Variants in ZFYVE26 observed in about 807,000 individuals in gnomAD.
ZFYVE26 encodes the protein zinc finger FYVE-type containing 26.
In ZFYVE26, 181 loss-of-function variants were observed where a neutral mutation model predicts 276.5. The observed-to-expected ratio is 0.65, with a 90% CI of 0.58 to 0.74. The LOEUF is 0.74. Among genes scored for constraint, ZFYVE26 ranks in the 30% least tolerant of loss-of-function variants. The pLI, the probability that ZFYVE26 is intolerant of heterozygous loss-of-function variation, is 0.00. For synonymous variants in ZFYVE26, 1,129 were observed against 1,203.1 expected, an observed-to-expected ratio of 0.94 and a Z score of 1.27; for missense variants, 2,821 against 3,097.9, an observed-to-expected ratio of 0.91 and a Z score of 2.12.
intron 37 of ZFYVE26, among the ~76,000 whole-genome samples, chr14:67,754,649 G>C (rs2038731637): frequency 6.6e-6 from 1 of 152,236 alleles, no homozygotes; most frequent in Non-Finnish European, 1.5e-5. Flanking sequence ...GTTCTATGTA[G>C]AGGGACTGGC....
rs751848124 is a variant in ZFYVE26 at position 67,769,696 on chromosome 14, C to T, written c.5519G>A (p.Arg1840Gln). 7.4e-6 allele frequency: 12 copies of T among 1,613,982 alleles called. No homozygotes were observed. The highest frequency in any genetic ancestry group is 1.0e-5 in the Non-Finnish European group (12 of 1,180,008). ...AGTGGAGCAGGAGCTGCACACTAGC[C>T]GGCCACAGCGGCGACAATGATGACG... ...NRRHHCRRCG[R>Q]LVCSSCSTKK... The change falls in exon 29 of 42, where the codon CGG (arginine) becomes CAG (glutamine). Residue 1840 changes from arginine (R) to glutamine (Q), a missense_variant. Physicochemically the swap from Arg to Gln is conservative, Grantham distance 43. Coordinates refer to ENST00000347230, the MANE Select transcript of ZFYVE26 (RefSeq NM_015346.4).
At chr14:67,765,452 T>C (rs1477899046) in intron 32 of ZFYVE26, among the ~76,000 whole-genome samples, 1 of 152,202 alleles carries the variant, frequency 6.6e-6, no homozygotes, top group African/African-American at 2.4e-5. Flanking sequence ...TGGGATTTGC[T>C]GTGCTCCATG....
At position 67,748,577 on chromosome 14, in the gene ZFYVE26, T is replaced by C; in HGVS notation, c.7479A>G (p.Glu2493=). 1 of 1,614,198 alleles carries C rather than the reference T, an allele frequency of 6.2e-7. No individual in the cohort carries two copies. Among genetic ancestry groups the C allele is most frequent in the African/African-American group, 1.3e-5 (1 of 75,066 alleles). The change falls in exon 42 of 42, where the codon GAA becomes GAG. Residue 2493 remains glutamate (E), a synonymous_variant. Transcript: ENST00000347230. The part of the protein sequence containing the change: ...RSAYLIAVKQ[E]HSRATALVQQ... ...GGACAAGGGCTGTGGCCCGTGAGTGTTCTTGCTTCACAGCAATCAAGTAGG... is the reference window on the plus strand; with the variant it reads ...GGACAAGGGCTGTGGCCCGTGAGTGCTCTTGCTTCACAGCAATCAAGTAGG...
intron 23 of ZFYVE26, 67 bp downstream of exon 23, chr14:67,780,174 A>G: frequency 2.2e-6 from 3 of 1,377,654 alleles, no homozygotes; most frequent in Non-Finnish European, 3.1e-6. Flanking sequence ...AGGGGCTTAT[A>G]CAGCCAGCTA....
intron 30 of ZFYVE26, among the ~76,000 whole-genome samples, 182 bp downstream of exon 30, chr14:67,768,335 T>C (rs2039113761): frequency 6.6e-6 from 1 of 152,238 alleles, no homozygotes; most frequent in Non-Finnish European, 1.5e-5. Context: ...GCCAGTGTAA[T>C]AGGTTAATAT....
chr14:67,779,934 C>T (rs972593600), intron 23 of ZFYVE26, among the ~76,000 whole-genome samples: 2 of 151,984 alleles, frequency 1.3e-5, no homozygotes, highest in African/African-American at 4.8e-5. Flanking sequence ...TGCAGTGGTG[C>T]GATCTCGGCT....
At chr14:67,772,411 C>T (rs1172154820) in intron 27 of ZFYVE26, among the ~76,000 whole-genome samples, 1 of 152,236 alleles carries the variant, frequency 6.6e-6, no homozygotes, top group African/African-American at 2.4e-5. Context: ...ACACCACCTG[C>T]TATCAAGTAT....
chr14:67,761,589 C>A lies in ZFYVE26; in HGVS notation c.6370-5G>T. On this transcript the variant is annotated splice_polypyrimidine_tract_variant and splice_region_variant and intron_variant, in intron 34 of 41. Coordinates refer to ENST00000347230, the MANE Select transcript of ZFYVE26 (RefSeq NM_015346.4). ...GGCAAAGTAATCGTCATCTTGCTGA[C>A]AGCACAGGGAGCGAGAGAGAAAAAT... is the stretch of plus-strand genomic sequence containing the variant. 1.2e-6 allele frequency: 2 copies of A among 1,613,570 alleles called. No individual in the cohort carries two copies. Among genetic ancestry groups the A allele is most frequent in the East Asian group, 4.5e-5 (2 of 44,886 alleles).
At chr14:67,790,833 T>C (rs2039795187) in intron 14 of ZFYVE26, 60 bp from the exon 15 acceptor site, 3 of 1,505,774 alleles carry the variant, frequency 2.0e-6, no homozygotes, top group Non-Finnish European at 2.8e-6. Context: ...GGAATGTCCA[T>C]GGATAGGAGA....
chr14:67,800,398 C>T (rs2040051609), intron 10 of ZFYVE26, among the ~76,000 whole-genome samples: 1 of 152,132 alleles, frequency 6.6e-6, no homozygotes, highest in Non-Finnish European at 1.5e-5. Flanking sequence ...AATCTGTTTC[C>T]TTTTATAAAA....
chr14:67,806,759 G>C (rs1223181879), intron 5 of ZFYVE26, 84 bp from the exon 6 acceptor site: 11 of 1,550,510 alleles, frequency 7.1e-6, no homozygotes, highest in African/African-American at 1.4e-5. Flanking sequence ...CAAGTGATGT[G>C]AGAGTTTGCT....
chr14:67,730,611 AT>A (rs1170154652), intron 13 of ZFYVE26, among the ~76,000 whole-genome samples: 5 of 151,230 alleles, frequency 3.3e-5, no homozygotes, highest in African/African-American at 7.3e-5. Context: ...GATCCCAAGC[AT>A]TTTTTTTTGA....
intron 2 of ZFYVE26, 98 bp downstream of exon 2, chr14:67,815,672 C>T (rs2040386798): frequency 8.4e-7 from 1 of 1,185,118 alleles, no homozygotes; most frequent in African/African-American, 1.5e-5. Context: ...GCTTATTCTT[C>T]AGAGGGTAGT....
chr14:67,740,944 C>T (rs561047496), intron 13 of ZFYVE26, among the ~76,000 whole-genome samples: 173 of 151,812 alleles, frequency 1.1e-3, no homozygotes, highest in Non-Finnish European at 1.8e-3. Flanking sequence ...TTTAATATTG[C>T]AAATTTTTAA....
chr14:67,803,531 C>T (rs148308029), intron 9 of ZFYVE26, among the ~76,000 whole-genome samples: 3,925 of 151,100 alleles, frequency 0.026, 100 homozygotes, highest in African/African-American at 0.068. Flanking sequence ...TTGGTAGAGA[C>T]GGGGTTTCAC....
At chr14:67,803,065 G>A (rs2040109809) in intron 9 of ZFYVE26, among the ~76,000 whole-genome samples, 1 of 152,092 alleles carries the variant, frequency 6.6e-6, no homozygotes, top group Non-Finnish European at 1.5e-5. Context: ...TAAAAATAGG[G>A]TAAAACTATA....
chr14:67,750,808 G>T (rs1321745707), intron 41 of ZFYVE26: 1 of 598,528 alleles, frequency 1.7e-6, no homozygotes. Flanking sequence ...AGCAGCCTAG[G>T]ACATGTTTGT....
At chr14:67,730,621 G>T (rs1043781944) in intron 13 of ZFYVE26, among the ~76,000 whole-genome samples, 1 of 150,398 alleles carries the variant, frequency 6.6e-6, no homozygotes, top group African/African-American at 2.4e-5. Context: ...ATTTTTTTTT[G>T]AGATGGATTT....
In ZFYVE26 at chr14:67,782,951, G is replaced by C; in HGVS notation, c.4201C>G (p.Leu1401Val). Residue 1401 changes from leucine (L) to valine (V), a missense_variant, in exon 21 of 42, where the codon CTC becomes GTC. By Grantham distance (32) the Leu-to-Val change is conservative (BLOSUM62 1). Transcript: ENST00000347230. ...LCGWASLSTV[L>V]LGLHSPIALD... ...GCAATGGGAGAATGTAGGCCCAGGA[G>C]AACGGTAGAAAGACTGGCCCAACCA... The C allele has an allele frequency of 1.2e-6, 2 of 1,614,214 alleles. No individual in the cohort carries two copies. The highest frequency in any genetic ancestry group is 1.7e-6 in the Non-Finnish European group (2 of 1,180,050).
Sources: gnomAD v4.1 joint callset for allele counts (sites outside exome capture counted in the v4.1 genomes callset) on GRCh38, gnomAD v4.1.1 for gene constraint, MANE v1.5 for transcripts, NCBI Gene and HGNC (gene_info 2026-07-23, HGNC 2026-07-21) for gene names.